SORBS2: variants seen among roughly 807,000 people sequenced by gnomAD.
The protein encoded by SORBS2 is sorbin and SH3 domain containing 2, also known as sorbin and SH3 domain-containing protein 2.
A neutral mutation model predicts 97.7 loss-of-function variants in SORBS2; 46 were observed. That is an observed-to-expected ratio of 0.47 (90% CI 0.37 to 0.60). The LOEUF (loss-of-function observed/expected upper bound fraction) is 0.60, where lower values mean the gene tolerates loss of function less well. Ranked by LOEUF, SORBS2 falls within the 20% of genes least tolerant of loss-of-function variation. The probability of loss-of-function intolerance (pLI) is 0.00; values close to 1 mark genes in which losing one functional copy is unlikely to be tolerated. For missense variants in SORBS2, 1,316 were observed against 1,282.3 expected, an observed-to-expected ratio of 1.03 and a Z score of -0.40; for synonymous variants, 476 against 473.4, an observed-to-expected ratio of 1.01 and a Z score of -0.07.
intron 1 of SORBS2, among the ~76,000 whole-genome samples, chr4:185,936,268 T>C (rs1256047667): frequency 1.3e-5 from 2 of 152,234 alleles, no homozygotes; most frequent in East Asian, 3.8e-4. Context: ...CCAAGGCACA[T>C]GGTTTATCCT....
rs147265513 is a variant in SORBS2 at position 185,662,181 on chromosome 4, C to T, written c.17G>A (p.Arg6Lys). 8 of 1,613,936 alleles carry T rather than the reference C, an allele frequency of 5.0e-6. No homozygotes were observed. The South Asian group carries it at 6.6e-5, about 13-fold the overall frequency. Residue 6 changes from arginine (R) to lysine (K), a missense_variant, in exon 5 of 21, where the codon AGG becomes AAG. Transcript: ENST00000284776. ...AGAATATGCCGAGGGGGAAAACGGC[C>T]TCTGATAGTAACTCATGGGACTCAC...
Position 185,704,721 on chromosome 4 carries a change from G to GTGC in SORBS2, c.-197-25900_-197-25899insGCA, listed in dbSNP as rs1485529263. 1.7e-3 allele frequency among the ~76,000 whole-genome samples: 265 copies of GTGC among 152,134 alleles called. 2 individuals are homozygous for GTGC. The highest frequency in any genetic ancestry group is 6.1e-3 in the African/African-American group (253 of 41,426). ...TCTCCCTCAACTCTCCATGTTTTGA[G>GTGC]AAATAAGACAAGAAACATTCAGCTC... is the stretch of plus-strand genomic sequence containing the variant. On this transcript the variant is annotated intron_variant, in intron 2 of 20. Coordinates refer to the SORBS2 transcript ENST00000284776.
chr4:185,756,499 C>A (rs1396882592), intron 2 of SORBS2, among the ~76,000 whole-genome samples: 1 of 152,086 alleles, frequency 6.6e-6, no homozygotes, highest in East Asian at 1.9e-4. Context: ...ATTTAAGCCA[C>A]CTAAAAACTC....
At chr4:185,839,147 T>C (rs911561154) in intron 1 of SORBS2, among the ~76,000 whole-genome samples, 2 of 152,228 alleles carry the variant, frequency 1.3e-5, no homozygotes, top group Non-Finnish European at 2.9e-5. Context: ...GTGGGACTTA[T>C]GCTCCCCATT....
At chr4:185,890,032 A>C (rs2099241663) in intron 1 of SORBS2, among the ~76,000 whole-genome samples, 1 of 152,062 alleles carries the variant, frequency 6.6e-6, no homozygotes, top group African/African-American at 2.4e-5. Context: ...GATTACAGGC[A>C]TGTGCCACCA....
intron 1 of SORBS2, among the ~76,000 whole-genome samples, chr4:185,930,821 A>G (rs369450465): frequency 2.5e-3 from 385 of 152,346 alleles, no homozygotes; most frequent in African/African-American, 8.0e-3. Context: ...TGATGGAAAA[A>G]GTAATAATGA....
chr4:185,878,094 T>C (rs1424463619), intron 1 of SORBS2, among the ~76,000 whole-genome samples: 2 of 152,054 alleles, frequency 1.3e-5, no homozygotes, highest in African/African-American at 2.4e-5. Flanking sequence ...TTCATAAGCA[T>C]TGAAAAAGAA....
intron 1 of SORBS2, among the ~76,000 whole-genome samples, chr4:185,825,999 C>T (rs2099199558): frequency 6.6e-6 from 1 of 152,148 alleles, no homozygotes; most frequent in South Asian, 2.1e-4. Context: ...TGCGGTTAAA[C>T]AAGCTGGCCT....
chr4:185,638,100 T>C (rs1228778249), intron 4 of SORBS2: 1 of 1,608,224 alleles, frequency 6.2e-7, no homozygotes, highest in East Asian at 2.2e-5. Context: ...ACTCCAGTTC[T>C]GAAAAGAATT....
At chr4:185,950,571 T>C (rs1459922640) in intron 1 of SORBS2, among the ~76,000 whole-genome samples, 3 of 152,230 alleles carry the variant, frequency 2.0e-5, no homozygotes, top group Admixed American at 6.5e-5. Flanking sequence ...AATTCAGGTG[T>C]GCCTGACGGT....
chr4:185,886,725 A>C (rs948528769), intron 1 of SORBS2, among the ~76,000 whole-genome samples: 4 of 152,322 alleles, frequency 2.6e-5, no homozygotes, highest in South Asian at 2.1e-4. Flanking sequence ...CCAAGAAAAG[A>C]ATAGCAGCAC....
At chr4:185,604,083 G>A (rs933396431) in intron 12 of SORBS2, among the ~76,000 whole-genome samples, 11 of 152,056 alleles carry the variant, frequency 7.2e-5, no homozygotes, top group Non-Finnish European at 1.0e-4. Flanking sequence ...TCATGCTGAC[G>A]GCCAACTGAA....
intron 1 of SORBS2, among the ~76,000 whole-genome samples, chr4:185,906,979 A>G (rs1024109678): frequency 6.6e-6 from 1 of 152,050 alleles, no homozygotes; most frequent in Non-Finnish European, 1.5e-5. Context: ...TAAAATTAAA[A>G]AAAGAAATTA....
intron 1 of SORBS2, among the ~76,000 whole-genome samples, chr4:185,848,325 G>A (rs1305352103): frequency 6.6e-6 from 1 of 152,106 alleles, no homozygotes; most frequent in Admixed American, 6.5e-5. Flanking sequence ...TGGAATAAAA[G>A]AGAAGTAAAA....
At chr4:185,797,590 T>C (rs1012144926) in intron 1 of SORBS2, among the ~76,000 whole-genome samples, 1 of 152,208 alleles carries the variant, frequency 6.6e-6, no homozygotes, top group East Asian at 1.9e-4. Context: ...CCGGTCATTT[T>C]GCAGTAATCT....
intron 1 of SORBS2, among the ~76,000 whole-genome samples, chr4:185,892,554 G>A (rs77250950): frequency 3.9e-5 from 6 of 152,332 alleles, no homozygotes; most frequent in East Asian, 3.9e-4. Context: ...TAAACAAAAC[G>A]TGGTGCATAC....
intron 4 of SORBS2, among the ~76,000 whole-genome samples, chr4:185,667,456 T>C (rs1379081304): frequency 1.3e-5 from 2 of 152,082 alleles, no homozygotes; most frequent in Admixed American, 6.6e-5. Flanking sequence ...CTCTGAATCA[T>C]AGATCCCTTA....
At chr4:185,799,049 A>G (rs376243665) in intron 1 of SORBS2, among the ~76,000 whole-genome samples, 3 of 152,232 alleles carry the variant, frequency 2.0e-5, no homozygotes, top group East Asian at 3.8e-4. Context: ...ACTGACATCA[A>G]TTTGAGAACT....
At chr4:185,712,819 C>A (rs1306766370) in intron 2 of SORBS2, among the ~76,000 whole-genome samples, 1 of 152,142 alleles carries the variant, frequency 6.6e-6, no homozygotes, top group Non-Finnish European at 1.5e-5. Flanking sequence ...AATGAGGCAC[C>A]CCCCTCGCAA....
Sources: allele counts gnomAD v4.1 joint callset (sites outside exome capture counted in the v4.1 genomes callset), GRCh38; gene constraint gnomAD v4.1.1; transcripts MANE v1.5; gene names NCBI Gene and HGNC (gene_info 2026-07-23, HGNC 2026-07-21).